ST6GALNAC3: variants seen among roughly 807,000 people sequenced by gnomAD.
ST6GALNAC3 encodes the protein alpha-N-acetylgalactosaminide alpha-2,6-sialyltransferase 3.
Under a neutral mutation model 32.7 loss-of-function variants are expected in ST6GALNAC3, and 25 were observed. The ratio of observed to expected loss-of-function variants is 0.76; its 90% CI spans 0.56 to 1.07. ST6GALNAC3 has a LOEUF of 1.07. ST6GALNAC3 is among the 50% of genes least tolerant of loss of function. ST6GALNAC3 has a pLI of 0.00. For synonymous variants in ST6GALNAC3, 129 were observed against 133.1 expected (o/e 0.97, Z 0.21); for missense variants, 355 against 382.4 (o/e 0.93, Z 0.60).
At chr1:76,180,761 G>A (rs933423022) in intron 1 of ST6GALNAC3, among the ~76,000 whole-genome samples, 1 of 152,150 alleles carries the variant, frequency 6.6e-6, no homozygotes, top group Non-Finnish European at 1.5e-5. Context: ...AACTCCAGGG[G>A]AAGATCATCT....
At chr1:76,461,328 C>T (rs750486873) in intron 3 of ST6GALNAC3, among the ~76,000 whole-genome samples, 1 of 152,080 alleles carries the variant, frequency 6.6e-6, no homozygotes, top group East Asian at 1.9e-4. Context: ...GGTGGTTGCC[C>T]GTGGCAGACT....
chr1:76,426,645 C>A (rs963381306), intron 3 of ST6GALNAC3, among the ~76,000 whole-genome samples: 3 of 151,452 alleles, frequency 2.0e-5, no homozygotes, highest in Non-Finnish European at 4.4e-5. Flanking sequence ...AAAGTAAATA[C>A]ATAAGCCTAG....
chr1:76,091,178 T>A (rs1358313119), intron 1 of ST6GALNAC3, among the ~76,000 whole-genome samples: 1 of 152,246 alleles, frequency 6.6e-6, no homozygotes, highest in East Asian at 1.9e-4. Context: ...TCAGTGAGAA[T>A]GTGTCACGTG....
At chr1:76,108,684 G>A (rs1647708978) in intron 1 of ST6GALNAC3, among the ~76,000 whole-genome samples, 1 of 152,074 alleles carries the variant, frequency 6.6e-6, no homozygotes, top group Non-Finnish European at 1.5e-5. Flanking sequence ...GGGTATGAAG[G>A]GTCTCTAAAC....
intron 2 of ST6GALNAC3, among the ~76,000 whole-genome samples, chr1:76,363,014 T>G (rs1353105366): frequency 6.6e-6 from 1 of 152,220 alleles, no homozygotes; most frequent in Non-Finnish European, 1.5e-5. Context: ...TCCTCCACAT[T>G]GCCCTGGTAA....
At chr1:76,360,375 A>G (rs1412650851) in intron 2 of ST6GALNAC3, among the ~76,000 whole-genome samples, 1 of 152,114 alleles carries the variant, frequency 6.6e-6, no homozygotes, top group Non-Finnish European at 1.5e-5. Context: ...TAGTCCTCAT[A>G]TGATGGTAAG....
At chr1:76,431,983 A>G (rs1655789090) in intron 3 of ST6GALNAC3, among the ~76,000 whole-genome samples, 1 of 152,110 alleles carries the variant, frequency 6.6e-6, no homozygotes. Context: ...TGCTCTGTCT[A>G]TTCATCCCTC....
chr1:76,217,232 T>C (rs1310558064), intron 1 of ST6GALNAC3, among the ~76,000 whole-genome samples: 1 of 152,212 alleles, frequency 6.6e-6, no homozygotes, highest in Non-Finnish European at 1.5e-5. Context: ...TTTTTGTGTG[T>C]TTTTCTTGAG....
chr1:76,180,842 C>T (rs1475674350), intron 1 of ST6GALNAC3, among the ~76,000 whole-genome samples: 1 of 152,216 alleles, frequency 6.6e-6, no homozygotes, highest in African/African-American at 2.4e-5. Flanking sequence ...AGTAAAACCC[C>T]ACATGCACCA....
At chr1:76,121,711 A>G (rs1332434647) in intron 1 of ST6GALNAC3, among the ~76,000 whole-genome samples, 4 of 152,012 alleles carry the variant, frequency 2.6e-5, no homozygotes, top group East Asian at 3.9e-4. Context: ...GCCAGACTCC[A>G]TCTCAAAAAA....
intron 3 of ST6GALNAC3, among the ~76,000 whole-genome samples, chr1:76,510,802 A>G (rs773271362): frequency 1.3e-5 from 2 of 152,222 alleles, no homozygotes; most frequent in African/African-American, 2.4e-5. Context: ...AAAAATCACT[A>G]AGCACAATGT....
chr1:76,494,541 A>G (rs1472335171), intron 3 of ST6GALNAC3, among the ~76,000 whole-genome samples: 1 of 112,520 alleles, frequency 8.9e-6, no homozygotes, highest in Non-Finnish European at 1.8e-5. Flanking sequence ...AATATATTTC[A>G]TGTGTATAAA....
chr1:76,144,874 T>C (rs575706135), intron 1 of ST6GALNAC3, among the ~76,000 whole-genome samples: 7 of 152,222 alleles, frequency 4.6e-5, no homozygotes, highest in African/African-American at 9.6e-5. Flanking sequence ...GCCTCCTTTA[T>C]TGGAGTCAGG....
chr1:76,312,616 A>G (rs748405813), intron 1 of ST6GALNAC3, among the ~76,000 whole-genome samples: 2 of 152,168 alleles, frequency 1.3e-5, no homozygotes, highest in Non-Finnish European at 2.9e-5. Context: ...GCCCCATCAA[A>G]AAGTAGGCAA....
chr1:76,564,440 G>A (rs759796807), intron 3 of ST6GALNAC3, among the ~76,000 whole-genome samples: 1 of 152,120 alleles, frequency 6.6e-6, no homozygotes, highest in Non-Finnish European at 1.5e-5. Flanking sequence ...GAATCCCACA[G>A]CAAATGACTG....
rs189888000 is a variant in ST6GALNAC3 at position 76,221,035 on chromosome 1, A to G, written c.19-92770A>G. ...GGCCAGATTGGCTTTGGAGCAATCA[A>G]TGCAGCCTGGTGCAGCCTGGAGAAG... On this transcript the variant is annotated intron_variant, in intron 1 of 4. Transcript: ENST00000328299. 1.6e-3 allele frequency among the ~76,000 whole-genome samples: 238 copies of G among 152,298 alleles called. 3 individuals carry two copies. Among genetic ancestry groups the G allele is most frequent in the African/African-American group, 5.6e-3 (231 of 41,562 alleles).
rs572854595 is a variant in ST6GALNAC3, at chr1:76,426,647, T to C, written c.623+14230T>C. On this transcript the variant is annotated intron_variant, in intron 3 of 4. Transcript: ENST00000328299. ...AATGATGAAAAATAAAGTAAATACA[T>C]AAGCCTAGTAACATAGTTGTTTATT... Among the ~76,000 whole-genome samples, 14 of 151,692 alleles carry C rather than the reference T, an allele frequency of 9.2e-5. No homozygotes were observed. The South Asian group carries it at 2.9e-3, about 32-fold the overall frequency.
rs1247009292 is a variant in ST6GALNAC3, at chr1:76,628,990, A to G, written c.*184A>G. On this transcript the variant is annotated 3_prime_UTR_variant, in exon 5 of 5. Transcript: ENST00000328299. ...ATTTAAACTTGGCATTTCATGGAGGATGGTTGTGCTCATGATGTTCTTTCT... is the reference window on the plus strand; with the variant it reads ...ATTTAAACTTGGCATTTCATGGAGGGTGGTTGTGCTCATGATGTTCTTTCT... 7.1e-7 allele frequency: 1 copy of G among 1,403,742 alleles called. No homozygotes were observed. Among genetic ancestry groups the G allele is most frequent in the Admixed American group, 3.3e-5 (1 of 30,466 alleles). The allele number at this position is 1,403,742 out of a possible 1,614,324, so 87.0% of individuals were successfully genotyped here.
chr1:76,430,754 G>C (rs542183488), intron 3 of ST6GALNAC3, among the ~76,000 whole-genome samples: 33 of 152,086 alleles, frequency 2.2e-4, no homozygotes, highest in Non-Finnish European at 3.8e-4. Flanking sequence ...CCTCAAGGCT[G>C]TTTTTTCATC....
Sources: gnomAD v4.1 joint callset for allele counts (sites outside exome capture counted in the v4.1 genomes callset) on GRCh38, gnomAD v4.1.1 for gene constraint, MANE v1.5 for transcripts, NCBI Gene and HGNC (gene_info 2026-07-23, HGNC 2026-07-21) for gene names.